Variants in FAM3C observed in about 807,000 individuals in gnomAD.
FAM3C encodes FAM3 metabolism regulating signaling molecule C, also known as protein FAM3C.
In FAM3C, 15 loss-of-function variants were observed where a neutral mutation model predicts 32.5. That is an observed-to-expected ratio of 0.46 (90% confidence interval 0.31 to 0.71). FAM3C has a LOEUF of 0.71. FAM3C is among the 30% of genes least tolerant of loss of function. The pLI is 0.05. For missense variants in FAM3C, 175 were observed against 274.4 expected, an observed-to-expected ratio of 0.64 and a Z score of 2.56; for synonymous variants, 75 against 86.1, an observed-to-expected ratio of 0.87 and a Z score of 0.72.
Position 121,349,925 on chromosome 7 carries a change from C to T in FAM3C, c.*536G>A, listed in dbSNP as rs1468264289. 8.3e-5 allele frequency: 12 copies of T among 145,384 alleles called. No homozygotes were observed. Among genetic ancestry groups the T allele is most frequent in the Admixed American group, 2.8e-4 (4 of 14,444 alleles). 9.0% of individuals were successfully genotyped at this position (145,384 alleles called of 1,614,324 possible). A position where few individuals can be genotyped will look rare whatever the true frequency, so the allele number is the denominator to read the frequency against. ...GTATGTTTTCATATTAAACATTCCT[C>T]AGTTTCTTGGGAAGGAAAGAAAAAG... On this transcript the variant is annotated 3_prime_UTR_variant, in exon 10 of 10. Coordinates refer to ENST00000359943, the MANE Select transcript of FAM3C (RefSeq NM_014888.3).
chr7:121,389,522 G>A (rs1425971235), intron 1 of FAM3C, among the ~76,000 whole-genome samples: 1 of 152,096 alleles, frequency 6.6e-6, no homozygotes, highest in Non-Finnish European at 1.5e-5. Flanking sequence ...TCTCATTAAT[G>A]GGGAAAGATT....
chr7:121,359,190 T>TA (rs954309601), intron 8 of FAM3C, among the ~76,000 whole-genome samples: 7 of 151,712 alleles, frequency 4.6e-5, no homozygotes, highest in Non-Finnish European at 8.8e-5. Context: ...ATTTCCACTT[T>TA]AAAAAAAAGA....
At chr7:121,353,272 C>T (rs2536181) in intron 8 of FAM3C, among the ~76,000 whole-genome samples, 10,194 of 152,196 alleles carry the variant, frequency 0.067, 1,140 homozygotes, top group African/African-American at 0.23. Context: ...GGCAGTCAGG[C>T]ATTCTTATTT....
chr7:121,377,702 A>G (rs1369853925), intron 3 of FAM3C, among the ~76,000 whole-genome samples: 1 of 152,208 alleles, frequency 6.6e-6, no homozygotes, highest in Non-Finnish European at 1.5e-5. Context: ...GTGCCATCAG[A>G]TTATAGTACT....
chr7:121,372,254 T>C (rs993172844), intron 3 of FAM3C, 115 bp from the exon 4 acceptor site: 1 of 636,710 alleles, frequency 1.6e-6, no homozygotes, highest in Non-Finnish European at 2.8e-6. Context: ...CAGTATACAA[T>C]AAAACATGAA....
chr7:121,395,717 C>G (rs2116986998), intron 1 of FAM3C, among the ~76,000 whole-genome samples: 1 of 152,262 alleles, frequency 6.6e-6, no homozygotes, highest in African/African-American at 2.4e-5. Context: ...TAAAACTTTA[C>G]AAGTGAGTCA....
At chr7:121,356,751 T>A (rs1793817803) in intron 8 of FAM3C, among the ~76,000 whole-genome samples, 3 of 152,196 alleles carry the variant, frequency 2.0e-5, no homozygotes. Context: ...TCATAGAGTA[T>A]TCTCTCCAAA....
intron 2 of FAM3C, among the ~76,000 whole-genome samples, chr7:121,382,279 A>G (rs142212720): frequency 3.3e-5 from 5 of 152,242 alleles, no homozygotes; most frequent in African/African-American, 1.2e-4. Flanking sequence ...GTGTTTTTCA[A>G]TTTTCTCAAT....
chr7:121,382,846 T>C (rs889663232), intron 2 of FAM3C, 111 bp downstream of exon 2: 13 of 789,744 alleles, frequency 1.6e-5, no homozygotes, highest in East Asian at 5.5e-5. Flanking sequence ...ATTTAGTTTA[T>C]TTCAGTTTAA....
chr7:121,371,661 A>G (rs1394339421), intron 4 of FAM3C, among the ~76,000 whole-genome samples: 1 of 152,216 alleles, frequency 6.6e-6, no homozygotes, highest in African/African-American at 2.4e-5. Flanking sequence ...GAAACAAACT[A>G]ATAATGGATG....
intron 4 of FAM3C, 27 bp from the exon 5 acceptor site, chr7:121,371,450 T>C: frequency 6.2e-7 from 1 of 1,610,140 alleles, no homozygotes; most frequent in Non-Finnish European, 8.5e-7. Flanking sequence ...ATGATGTCTT[T>C]TTTTAGAAAA....
intron 1 of FAM3C, among the ~76,000 whole-genome samples, chr7:121,386,801 C>T (rs1412641089): frequency 6.6e-6 from 1 of 151,560 alleles, no homozygotes; most frequent in Non-Finnish European, 1.5e-5. Context: ...ATCCCCAGAG[C>T]ATTTAAAGTA....
At chr7:121,393,727 G>A (rs925008742) in intron 1 of FAM3C, among the ~76,000 whole-genome samples, 1 of 152,144 alleles carries the variant, frequency 6.6e-6, no homozygotes, top group Admixed American at 6.5e-5. Flanking sequence ...TGCATTAAAA[G>A]AAAGTACAAA....
chr7:121,389,656 T>C (rs1794537552), intron 1 of FAM3C, among the ~76,000 whole-genome samples: 1 of 152,012 alleles, frequency 6.6e-6, no homozygotes, highest in Non-Finnish European at 1.5e-5. Context: ...ATATTGCCAT[T>C]ACATCCTACC....
At chr7:121,361,099 C>A (rs566573957) in intron 7 of FAM3C, among the ~76,000 whole-genome samples, 1 of 152,292 alleles carries the variant, frequency 6.6e-6, no homozygotes, top group East Asian at 1.9e-4. Flanking sequence ...CTCATTTGAT[C>A]TACCAAATCA....
At chr7:121,365,834 A>G (rs1244400429) in intron 5 of FAM3C, among the ~76,000 whole-genome samples, 2 of 152,160 alleles carry the variant, frequency 1.3e-5, no homozygotes, top group East Asian at 1.9e-4. Flanking sequence ...TCATGCAAAC[A>G]TTAATCAAAA....
At chr7:121,350,604 T>C (rs1412638593) in intron 9 of FAM3C, 54 bp from the exon 10 acceptor site, 1 of 1,568,652 alleles carries the variant, frequency 6.4e-7, no homozygotes, top group Admixed American at 1.7e-5. Context: ...AAACTGCTGA[T>C]TTGCCGTAAC....
intron 1 of FAM3C, among the ~76,000 whole-genome samples, chr7:121,389,609 C>G (rs1022822435): frequency 1.3e-5 from 2 of 152,084 alleles, no homozygotes; most frequent in African/African-American, 4.8e-5. Context: ...AGCCAGAGTT[C>G]AGGTTTACAC....
At chr7:121,369,207 C>T (rs1312991998) in intron 5 of FAM3C, among the ~76,000 whole-genome samples, 1 of 152,054 alleles carries the variant, frequency 6.6e-6, no homozygotes, top group African/African-American at 2.4e-5. Context: ...TCTCAGACTC[C>T]TGACCTCAGG....
Sources: gnomAD v4.1 joint callset for allele counts (sites outside exome capture counted in the v4.1 genomes callset) on GRCh38, gnomAD v4.1.1 for gene constraint, MANE v1.5 for transcripts, NCBI Gene and HGNC (gene_info 2026-07-23, HGNC 2026-07-21) for gene names.